UST: variants seen among roughly 807,000 people sequenced by gnomAD.
UST encodes the protein uronyl 2-sulfotransferase.
UST carries 21 observed loss-of-function variants against 45.6 expected under a neutral mutation model. The ratio of observed to expected loss-of-function variants is 0.46; its 90% CI spans 0.33 to 0.66. The LOEUF (loss-of-function observed/expected upper bound fraction) is 0.66. Ranked by LOEUF, UST falls within the 30% of genes least tolerant of loss-of-function variation. The pLI is 0.02. For missense variants in UST, 463 were observed against 512.4 expected, an observed-to-expected ratio of 0.90 and a Z score of 0.93; for synonymous variants, 215 against 200.6, an observed-to-expected ratio of 1.07 and a Z score of -0.61.
intron 2 of UST, among the ~76,000 whole-genome samples, chr6:148,907,902 CTTTTTTT>C (rs67488239): frequency 6.2e-4 from 42 of 68,206 alleles, no homozygotes; most frequent in African/African-American, 2.2e-3. Context: ...GTTTCCAGGG[CTTTTTTT>C]TTTTTTTTTT....
At chr6:149,041,274 A>T (rs1286106135) in intron 7 of UST, among the ~76,000 whole-genome samples, 1 of 152,184 alleles carries the variant, frequency 6.6e-6, no homozygotes, top group African/African-American at 2.4e-5. Context: ...CCACTCCAGG[A>T]GGAGTTGGAA....
chr6:149,001,907 G>T (rs1302758890), intron 5 of UST, among the ~76,000 whole-genome samples: 1 of 152,134 alleles, frequency 6.6e-6, no homozygotes, highest in Non-Finnish European at 1.5e-5. Context: ...CTCCGATTTG[G>T]AGGAATATAA....
At chr6:148,826,852 G>A (rs542968394) in intron 1 of UST, among the ~76,000 whole-genome samples, 3 of 152,198 alleles carry the variant, frequency 2.0e-5, no homozygotes, top group Admixed American at 1.3e-4. Context: ...AGCCAACAAA[G>A]TCAGGTTCAG....
Position 148,988,236 on chromosome 6 carries a change from G to A in UST, c.681+23673G>A, listed in dbSNP as rs193077011. Among the ~76,000 whole-genome samples, 3 of 152,228 alleles carry A rather than the reference G, an allele frequency of 2.0e-5. No individual in the cohort carries two copies. The East Asian group carries it at 5.8e-4, about 30-fold the overall frequency. ...ACTGAAACTTGACATTGAACAGTTAGGCAGAGCCTGCATCATGCATCAATT... is the reference window on the plus strand; with the variant it reads ...ACTGAAACTTGACATTGAACAGTTAAGCAGAGCCTGCATCATGCATCAATT... On this transcript the variant is annotated intron_variant, in intron 5 of 7. Transcript: ENST00000367463.
chr6:149,033,623 A>G (rs1776188749), intron 7 of UST, among the ~76,000 whole-genome samples: 1 of 152,162 alleles, frequency 6.6e-6, no homozygotes, highest in South Asian at 2.1e-4. Flanking sequence ...TCCCACACTG[A>G]TGAGAAGAAG....
intron 4 of UST, among the ~76,000 whole-genome samples, chr6:148,956,417 TA>T (rs1780505266): frequency 6.6e-6 from 1 of 152,150 alleles, no homozygotes; most frequent in Non-Finnish European, 1.5e-5. Context: ...AAATCCCTGA[TA>T]AAACCATCAT....
intron 5 of UST, among the ~76,000 whole-genome samples, chr6:149,001,671 C>T (rs1582953134): frequency 6.6e-6 from 1 of 152,114 alleles, no homozygotes; most frequent in Non-Finnish European, 1.5e-5. Context: ...AGAGAGTTTC[C>T]TACTTACTGA....
At chr6:148,876,174 A>G (rs1778647316) in intron 1 of UST, among the ~76,000 whole-genome samples, 1 of 152,134 alleles carries the variant, frequency 6.6e-6, no homozygotes. Flanking sequence ...GGGGTCTCAC[A>G]GGACTAGACA....
intron 2 of UST, among the ~76,000 whole-genome samples, chr6:148,900,092 T>G (rs1456135894): frequency 1.3e-5 from 2 of 152,338 alleles, no homozygotes; most frequent in East Asian, 3.9e-4. Flanking sequence ...GTAAATTTAT[T>G]TACATACTTT....
intron 7 of UST, among the ~76,000 whole-genome samples, chr6:149,027,465 G>A (rs1776066076): frequency 6.6e-6 from 1 of 152,190 alleles, no homozygotes; most frequent in Non-Finnish European, 1.5e-5. Context: ...TCTAATACCA[G>A]TGTATCATGT....
intron 1 of UST, among the ~76,000 whole-genome samples, chr6:148,780,254 T>A (rs1354467038): frequency 6.6e-6 from 1 of 152,164 alleles, no homozygotes; most frequent in African/African-American, 2.4e-5. Flanking sequence ...GTTGAGCAAG[T>A]TTATCAGCAC....
intron 4 of UST, among the ~76,000 whole-genome samples, chr6:148,957,331 T>TA (rs1345659441): frequency 6.6e-6 from 1 of 152,206 alleles, no homozygotes; most frequent in African/African-American, 2.4e-5. Context: ...CATGGGACAT[T>TA]AAAAAATCAG....
intron 7 of UST, among the ~76,000 whole-genome samples, chr6:149,043,021 T>TTC (rs1421057336): frequency 4.2e-3 from 497 of 118,136 alleles, no homozygotes; most frequent in African/African-American, 0.011. Flanking sequence ...CTTTCTTTCT[T>TTC]TTTCTTTCTT....
At chr6:148,992,522 G>A (rs192548059) in intron 5 of UST, among the ~76,000 whole-genome samples, 2 of 152,176 alleles carry the variant, frequency 1.3e-5, no homozygotes, top group African/African-American at 4.8e-5. Context: ...GGGGTCTGTG[G>A]ACCTCACTTT....
intron 7 of UST, among the ~76,000 whole-genome samples, chr6:149,024,409 C>A (rs1257098119): frequency 6.6e-6 from 1 of 152,196 alleles, no homozygotes; most frequent in African/African-American, 2.4e-5. Flanking sequence ...GTTGTTGCTT[C>A]AGTAACTTCT....
At chr6:149,045,346 T>C (rs541111064) in intron 7 of UST, among the ~76,000 whole-genome samples, 44 of 152,340 alleles carry the variant, frequency 2.9e-4, no homozygotes, top group Middle Eastern at 3.4e-3. Context: ...TAAGATGCAA[T>C]GCTACATAGA....
At chr6:149,042,538 C>T (rs527293907) in intron 7 of UST, among the ~76,000 whole-genome samples, 5 of 152,274 alleles carry the variant, frequency 3.3e-5, no homozygotes, top group Admixed American at 6.5e-5. Flanking sequence ...CCCTGCCACC[C>T]GTGGTCCAGC....
At chr6:148,930,128 A>G (rs1047581836) in intron 2 of UST, among the ~76,000 whole-genome samples, 19 of 152,170 alleles carry the variant, frequency 1.2e-4, no homozygotes, top group African/African-American at 4.3e-4. Context: ...TGAGTTCTCA[A>G]GGCCAAGTTG....
intron 1 of UST, among the ~76,000 whole-genome samples, chr6:148,874,050 T>C (rs1464999073): frequency 6.6e-6 from 1 of 152,236 alleles, no homozygotes; most frequent in Non-Finnish European, 1.5e-5. Flanking sequence ...TGTGCAGGGC[T>C]GGGGCTGCTG....
Sources: allele counts gnomAD v4.1 joint callset (sites outside exome capture counted in the v4.1 genomes callset), GRCh38; gene constraint gnomAD v4.1.1; transcripts MANE v1.5; gene names NCBI Gene and HGNC (gene_info 2026-07-23, HGNC 2026-07-21).